Variants in ETV6 observed in about 807,000 individuals in gnomAD.
The protein encoded by ETV6 is ETS variant transcription factor 6.
A neutral mutation model predicts 51.1 loss-of-function variants in ETV6; 16 were observed. The ratio of observed to expected loss-of-function variants is 0.31; its 90% CI spans 0.21 to 0.48. The LOEUF (loss-of-function observed/expected upper bound fraction) is 0.48. ETV6 is among the 20% of genes least tolerant of loss of function. The pLI is 0.99. For missense variants in ETV6, 458 were observed against 594.8 expected (o/e 0.77, Z 2.39); for synonymous variants, 240 against 224.1 (o/e 1.07, Z -0.64).
Position 11,822,398 on chromosome 12 carries a change from T to C in ETV6, c.164-16742T>C, listed in dbSNP as rs74514291. On this transcript the variant is annotated intron_variant, in intron 2 of 7. Transcript: ENST00000396373. Reference sequence around the variant, plus strand: ...CCTTGTGCGTTAGAACTCTCCCGCATACGTCCCCTTTCCCGCACACTCTCT... The same window carrying C: ...CCTTGTGCGTTAGAACTCTCCCGCACACGTCCCCTTTCCCGCACACTCTCT... 1.1e-3 allele frequency among the ~76,000 whole-genome samples: 164 copies of C among 152,338 alleles called. 2 individuals are homozygous for C. Among genetic ancestry groups the C allele is most frequent in the African/African-American group, 3.8e-3 (159 of 41,582 alleles).
intron 2 of ETV6, among the ~76,000 whole-genome samples, chr12:11,782,415 G>A (rs909159911): frequency 5.9e-5 from 9 of 152,132 alleles, no homozygotes; most frequent in Admixed American, 4.6e-4. Context: ...AACCTGGAAA[G>A]ACAGCTGAAA....
At chr12:11,759,848 A>G (rs1405895625) in intron 2 of ETV6, among the ~76,000 whole-genome samples, 1 of 152,240 alleles carries the variant, frequency 6.6e-6, no homozygotes, top group Non-Finnish European at 1.5e-5. Flanking sequence ...AGCTGAGTAT[A>G]TACAAATACA....
At chr12:11,828,519 C>T (rs936982623) in intron 2 of ETV6, among the ~76,000 whole-genome samples, 1 of 152,084 alleles carries the variant, frequency 6.6e-6, no homozygotes, top group African/African-American at 2.4e-5. Flanking sequence ...TTCGCATTAC[C>T]TCACAGGTAC....
intron 3 of ETV6, among the ~76,000 whole-genome samples, chr12:11,841,868 G>A (rs1214069871): frequency 6.6e-6 from 1 of 152,058 alleles, no homozygotes; most frequent in Non-Finnish European, 1.5e-5. Context: ...GGATCACGAG[G>A]TCAGGAGATC....
intron 4 of ETV6, among the ~76,000 whole-genome samples, chr12:11,859,884 A>C (rs995024889): frequency 6.6e-6 from 1 of 152,190 alleles, no homozygotes; most frequent in Non-Finnish European, 1.5e-5. Flanking sequence ...CCAAATTTGT[A>C]CTAAACAATG....
At chr12:11,750,733 G>A in intron 1 of ETV6, 1 of 428,308 alleles carries the variant, frequency 2.3e-6, no homozygotes, top group Non-Finnish European at 4.5e-6. Flanking sequence ...GAAATGCTCA[G>A]AAGCCCACCT....
At chr12:11,733,007 G>C (rs1237250074) in intron 1 of ETV6, among the ~76,000 whole-genome samples, 3 of 152,068 alleles carry the variant, frequency 2.0e-5, no homozygotes, top group Admixed American at 1.3e-4. Context: ...GTGTGACATT[G>C]GGAAGCCCGT....
chr12:11,806,042 G>A (rs1945825219), intron 2 of ETV6, among the ~76,000 whole-genome samples: 1 of 152,142 alleles, frequency 6.6e-6, no homozygotes, highest in African/African-American at 2.4e-5. Context: ...ATCCCATGGG[G>A]GAAATGGATG....
At chr12:11,796,531 A>G (rs1451505155) in intron 2 of ETV6, among the ~76,000 whole-genome samples, 1 of 152,116 alleles carries the variant, frequency 6.6e-6, no homozygotes, top group African/African-American at 2.4e-5. Flanking sequence ...AGTGGAAACC[A>G]CCAGCCAGCC....
chr12:11,832,608 A>G (rs1192642588), intron 2 of ETV6, among the ~76,000 whole-genome samples: 2 of 152,222 alleles, frequency 1.3e-5, no homozygotes, highest in African/African-American at 2.4e-5. Context: ...TCAAACATAC[A>G]TGTTACGAGT....
At chr12:11,810,276 T>C (rs1360757742) in intron 2 of ETV6, among the ~76,000 whole-genome samples, 2 of 152,170 alleles carry the variant, frequency 1.3e-5, no homozygotes, top group Non-Finnish European at 2.9e-5. Context: ...AGATGGACTT[T>C]CAAGTCCAAG....
chr12:11,808,915 G>A (rs1033782918), intron 2 of ETV6, among the ~76,000 whole-genome samples: 1 of 152,170 alleles, frequency 6.6e-6, no homozygotes, highest in Non-Finnish European at 1.5e-5. Context: ...TGTAATCCCA[G>A]CACTTTGGGA....
chr12:11,825,475 C>T lies in ETV6; in HGVS notation c.164-13665C>T, dbSNP rs1222889843. Among the ~76,000 whole-genome samples the T allele has an allele frequency of 2.0e-5, 3 of 152,334 alleles. No homozygotes were observed. The East Asian group carries it at 5.8e-4, about 29-fold the overall frequency. On this transcript the variant is annotated intron_variant, in intron 2 of 7. Transcript: ENST00000396373. The stretch of plus-strand genomic sequence containing the variant: ...AAAGCAAGCTTTCGCCTGCATCGCT[C>T]CTGTCTCTGCCCCTGTCTTCACATG...
At chr12:11,822,401 G>A (rs1946094392) in intron 2 of ETV6, among the ~76,000 whole-genome samples, 1 of 152,132 alleles carries the variant, frequency 6.6e-6, no homozygotes, top group African/African-American at 2.4e-5. Flanking sequence ...TCCCGCATAC[G>A]TCCCCTTTCC....
chr12:11,650,280 GGGGCGAGAGGGAAAGAGATGCA>G, intron 1 of ETV6, 120 bp downstream of exon 1: 1 of 884,008 alleles, frequency 1.1e-6, no homozygotes, highest in Non-Finnish European at 1.9e-6. Flanking sequence ...GAAATTATTT[GGGGCGAGAGGGAAAGAGATGCA>G]GCTCGCGGTG....
At chr12:11,661,334 G>T (rs1864097672) in intron 1 of ETV6, among the ~76,000 whole-genome samples, 1 of 152,196 alleles carries the variant, frequency 6.6e-6, no homozygotes, top group Non-Finnish European at 1.5e-5. Flanking sequence ...AGATTTTAAA[G>T]ATCCGTGTCA....
At chr12:11,674,615 T>TTGTG (rs5796457) in intron 1 of ETV6, among the ~76,000 whole-genome samples, 23,416 of 132,772 alleles carry the variant, frequency 0.18, 2,196 homozygotes, top group Admixed American at 0.21. Context: ...TAGGGGTTAT[T>TTGTG]TGTGTGTGTG....
At chr12:11,705,985 TG>T (rs34419700) in intron 1 of ETV6, among the ~76,000 whole-genome samples, 8,557 of 152,272 alleles carry the variant, frequency 0.056, 493 homozygotes, top group African/African-American at 0.14. Flanking sequence ...AGCTCCATTT[TG>T]GGGGGGTCAC....
chr12:11,693,123 T>C (rs1864798719), intron 1 of ETV6, among the ~76,000 whole-genome samples: 1 of 152,172 alleles, frequency 6.6e-6, no homozygotes, highest in Non-Finnish European at 1.5e-5. Context: ...AGAGAGTGCC[T>C]ACCTCTCCTT....
Sources: gnomAD v4.1 joint callset for allele counts (sites outside exome capture counted in the v4.1 genomes callset) on GRCh38, gnomAD v4.1.1 for gene constraint, MANE v1.5 for transcripts, NCBI Gene and HGNC (gene_info 2026-07-23, HGNC 2026-07-21) for gene names.